CSNK1G2: variants seen among roughly 807,000 people sequenced by gnomAD.
CSNK1G2 encodes casein kinase 1 gamma 2.
CSNK1G2 carries 11 observed loss-of-function variants against 48.0 expected under a neutral mutation model. The observed-to-expected ratio is 0.23, with a 90% CI of 0.14 to 0.38. The LOEUF (loss-of-function observed/expected upper bound fraction) is 0.38. Ranked by LOEUF, CSNK1G2 falls within the 10% of genes least tolerant of loss-of-function variation. CSNK1G2 has a pLI of 1.00. For missense variants in CSNK1G2, 446 were observed against 595.5 expected, an observed-to-expected ratio of 0.75 and a Z score of 2.61; for synonymous variants, 337 against 254.1, an observed-to-expected ratio of 1.33 and a Z score of -3.10.
In CSNK1G2 at chr19:1,978,449, T is replaced by A; in HGVS notation, c.236T>A (p.Ile79Asn). Residue 79 changes from isoleucine (I) to asparagine (N), a missense_variant, in exon 4 of 12, where the codon ATC becomes AAC. By Grantham distance (149) the Ile-to-Asn change is moderately radical. Around this residue, in one of 2 missense-constraint regions of CSNK1G2, gnomAD observed 258 missense variants for 415.9 expected, o/e 0.62. Transcript: ENST00000255641. This position sits in a 1 kb window ranked among gnomAD's most constrained non-coding sequence, Gnocchi z 7.3. ...NEYVAIKLEP[I>N]KSRAPQLHLE... ...TCGCTCTTGTGCCCCCAGGAGCCGA[T>A]CAAGTCCCGGGCCCCGCAGCTGCAC... 1.9e-6 allele frequency: 3 copies of A among 1,609,592 alleles called. No individual in the cohort carries two copies. Among genetic ancestry groups the A allele is most frequent in the Non-Finnish European group, 2.5e-6 (3 of 1,178,642 alleles).
chr19:1,946,622 A>C (rs1338319491), intron 1 of CSNK1G2, among the ~76,000 whole-genome samples: 1 of 136,970 alleles, frequency 7.3e-6, no homozygotes, highest in Non-Finnish European at 1.6e-5. Flanking sequence ...TATTATTATT[A>C]TTTTCTTTGA....
In CSNK1G2 at chr19:1,975,493, A is replaced by C. The variant is rs1020901504; in HGVS notation, c.188-2812A>C. 1.8e-5 allele frequency: 18 copies of C among 985,324 alleles called. No homozygotes were observed. In the African/African-American group the frequency reaches 3.1e-4, roughly 17 times the overall value. The allele number at this position is 985,324 out of a possible 1,614,324, so 61.0% of individuals were successfully genotyped here. A position where few individuals can be genotyped will look rare whatever the true frequency, so the allele number is the denominator to read the frequency against. On this transcript the variant is annotated intron_variant, in intron 2 of 11. Transcript: ENST00000255641. ...GCGTGCCTCAAGGGCAGATGGGCAA[A>C]CCAAACCCCATCCTCCCTGTGAGCC...
At chr19:1,948,840 C>T (rs1006114217) in intron 1 of CSNK1G2, among the ~76,000 whole-genome samples, 6 of 152,204 alleles carry the variant, frequency 3.9e-5, no homozygotes, top group East Asian at 1.9e-4. Context: ...ACGTGGTCCG[C>T]GCACACATAC....
At position 1,980,582 on chromosome 19, in the gene CSNK1G2, G is replaced by GC; in HGVS notation, c.*384dup. ...CCGGCCTGGCCCCGCCCCGCCAGCC[G>GC]CCCCCGTTAGCGTCATAAAGTCCAG... On this transcript the variant is annotated 3_prime_UTR_variant, in exon 12 of 12. Transcript: ENST00000255641. The GC allele has an allele frequency of 7.0e-6, 2 of 284,270 alleles. No homozygotes were observed. The highest frequency in any genetic ancestry group is 6.9e-5 in the South Asian group (2 of 29,186). 17.6% of individuals were successfully genotyped at this position (284,270 alleles called of 1,614,324 possible).
chr19:1,953,387 T>A, intron 1 of CSNK1G2: 1 of 534,082 alleles, frequency 1.9e-6, no homozygotes, highest in South Asian at 1.4e-5. Flanking sequence ...TGTTCTCACT[T>A]CCCCCGGAGT....
chr19:1,944,229 T>C (rs2014470841), intron 1 of CSNK1G2, among the ~76,000 whole-genome samples: 1 of 152,002 alleles, frequency 6.6e-6, no homozygotes, highest in Non-Finnish European at 1.5e-5. Flanking sequence ...GATCTGCAAA[T>C]GCTCCGCCGG....
At position 1,954,283 on chromosome 19, in the gene CSNK1G2, T is replaced by A. The variant is rs1358940711; in HGVS notation, c.-266+12865T>A. On this transcript the variant is annotated intron_variant, in intron 1 of 11. Transcript: ENST00000255641. The stretch of plus-strand genomic sequence containing the variant: ...TGCTGTGGCCCTGGCACTGGAAGTA[T>A]GTGCTGCCCTGGTGTTCGGGGGCTC... 5 of 254,918 alleles carry A rather than the reference T, an allele frequency of 2.0e-5. No homozygotes were observed. In the Admixed American group the frequency reaches 2.2e-4, roughly 11 times the overall value. The allele number at this position is 254,918 out of a possible 1,614,324, so 15.8% of individuals were successfully genotyped here.
At chr19:1,976,534 C>T (rs1310877128) in intron 2 of CSNK1G2, among the ~76,000 whole-genome samples, 2 of 152,228 alleles carry the variant, frequency 1.3e-5, no homozygotes, top group African/African-American at 2.4e-5. Context: ...ACGCCCAGGA[C>T]GGGGCACTAG....
At position 1,980,220 on chromosome 19, in the gene CSNK1G2, C is replaced by T. The variant is rs1322956573; in HGVS notation, c.*17C>T. The T allele has an allele frequency of 5.0e-6, 8 of 1,612,546 alleles. No homozygotes were observed. The highest frequency in any genetic ancestry group is 2.2e-5 in the East Asian group (1 of 44,868). On this transcript the variant is annotated 3_prime_UTR_variant, in exon 12 of 12. Transcript: ENST00000255641. ...CACAAGTGACCCTGGGCGCGTGCAG[C>T]CCCCTGAATCTTCTCCGTGCAGCCC...
intron 1 of CSNK1G2, among the ~76,000 whole-genome samples, chr19:1,951,061 G>A (rs1053531342): frequency 1.4e-5 from 2 of 145,386 alleles, no homozygotes; most frequent in Admixed American, 1.4e-4. Context: ...GAGAGGAGAC[G>A]CCGTGTGCCT....
rs1324113136 is a variant in CSNK1G2 at position 1,969,597 on chromosome 19, C to T, written c.-176C>T. ...ACCCCGAGGCCACTGAGAAGAGCAGCGCGGCCTGGCCGGCCCGAACGCCTG... is the reference window on the plus strand; with the variant it reads ...ACCCCGAGGCCACTGAGAAGAGCAGTGCGGCCTGGCCGGCCCGAACGCCTG... On this transcript the variant is annotated 5_prime_UTR_variant, in exon 2 of 12. Coordinates refer to ENST00000255641, the MANE Select transcript of CSNK1G2 (RefSeq NM_001319.7). 11 of 460,104 alleles carry T rather than the reference C, an allele frequency of 2.4e-5. No individual in the cohort carries two copies. Among genetic ancestry groups the T allele is most frequent in the African/African-American group, 6.1e-5 (3 of 49,462 alleles). The allele number at this position is 460,104 out of a possible 1,614,324, so 28.5% of individuals were successfully genotyped here.
At chr19:1,948,137 G>T (rs2014631292) in intron 1 of CSNK1G2, among the ~76,000 whole-genome samples, 1 of 152,152 alleles carries the variant, frequency 6.6e-6, no homozygotes, top group Non-Finnish European at 1.5e-5. Context: ...GCACCGGAGG[G>T]AGCCATTCTG....
At chr19:1,941,887 C>G (rs921690469) in intron 1 of CSNK1G2, among the ~76,000 whole-genome samples, 3 of 150,142 alleles carry the variant, frequency 2.0e-5, no homozygotes, top group African/African-American at 7.4e-5. Context: ...ACCCAGTGCT[C>G]AAGCCCACCG....
In CSNK1G2 at chr19:1,980,862, A is replaced by G. The variant is rs2015964997; in HGVS notation, c.*659A>G. 6.6e-6 allele frequency: 1 copy of G among 152,374 alleles called. No homozygotes were observed. The highest frequency in any genetic ancestry group is 2.4e-5 in the African/African-American group (1 of 41,404). 9.4% of individuals were successfully genotyped at this position (152,374 alleles called of 1,614,324 possible). A position where few individuals can be genotyped will look rare whatever the true frequency, so the allele number is the denominator to read the frequency against. ...GGCACGGCTGCTGCAGTCTCTTCCC[A>G]GCCTGGCCCTGGCAAGGGGCGGGTG... On this transcript the variant is annotated 3_prime_UTR_variant, in exon 12 of 12. Coordinates refer to ENST00000255641, the MANE Select transcript of CSNK1G2 (RefSeq NM_001319.7).
rs935389205 is a variant in CSNK1G2, at chr19:1,957,718, C to T, written c.-265-11790C>T. Among the ~76,000 whole-genome samples, 1 of 151,882 alleles carries T rather than the reference C, an allele frequency of 6.6e-6. No individual in the cohort carries two copies. Among genetic ancestry groups the T allele is most frequent in the Non-Finnish European group, 1.5e-5 (1 of 67,996 alleles). On this transcript the variant is annotated intron_variant, in intron 1 of 11. Coordinates refer to ENST00000255641, the MANE Select transcript of CSNK1G2 (RefSeq NM_001319.7). This position sits in a 1 kb window ranked among gnomAD's most constrained non-coding sequence, Gnocchi z 5.4. ...GTGGGCACAGAGGGGCCTCTGAGGG[C>T]GTCTGGCGGCATTTGAGCAGCTGCC...
Position 1,978,543 on chromosome 19 carries a change from T to TGCGCAGGGGCAGGGAGGGGGCTGCCG in CSNK1G2, c.298+33_299-33dup. The TGCGCAGGGGCAGGGAGGGGGCTGCCG allele has an allele frequency of 1.3e-6, 2 of 1,567,230 alleles. No individual in the cohort carries two copies. Among genetic ancestry groups the TGCGCAGGGGCAGGGAGGGGGCTGCCG allele is most frequent in the Non-Finnish European group, 1.7e-6 (2 of 1,157,218 alleles). On this transcript the variant is annotated intron_variant, in intron 4 of 11. Transcript: ENST00000255641. This position sits in a 1 kb window ranked among gnomAD's most constrained non-coding sequence, Gnocchi z 7.3. ...GGCGGCCCGCGGGTGGGGCGGGGGC[T>TGCGCAGGGGCAGGGAGGGGGCTGCCG]GCGCAGGGGCAGGGAGGGGGCTGCC...
intron 2 of CSNK1G2, among the ~76,000 whole-genome samples, chr19:1,970,806 G>C (rs373053827): frequency 7.8e-4 from 119 of 152,352 alleles, no homozygotes; most frequent in African/African-American, 2.4e-3. Flanking sequence ...GTGGGAATCA[G>C]GGTCCCTGGG....
intron 1 of CSNK1G2, among the ~76,000 whole-genome samples, chr19:1,956,856 G>A (rs2015017260): frequency 2.0e-5 from 3 of 152,308 alleles, no homozygotes; most frequent in East Asian, 1.9e-4. Context: ...GGCTCGTTCC[G>A]GAATTTAGGG....
At chr19:1,964,059 C>A (rs2015286956) in intron 1 of CSNK1G2, among the ~76,000 whole-genome samples, 1 of 152,048 alleles carries the variant, frequency 6.6e-6, no homozygotes, top group South Asian at 2.1e-4. Context: ...TCAGGTGATC[C>A]CAAAGTGCTG....
Sources: allele counts gnomAD v4.1 joint callset (sites outside exome capture counted in the v4.1 genomes callset), GRCh38; gene constraint gnomAD v4.1.1; regional missense constraint gnomAD v4.1.1; non-coding constraint Gnocchi (gnomAD v3.1); transcripts MANE v1.5; gene names NCBI Gene and HGNC (gene_info 2026-07-23, HGNC 2026-07-21).